The following DPYD variants were observed in gnomAD, a reference collection of about 807,000 sequenced individuals.
DPYD encodes dihydropyrimidine dehydrogenase.
A neutral mutation model predicts 116.2 loss-of-function variants in DPYD; 109 were observed. That is an observed-to-expected ratio of 0.94 (90% CI 0.80 to 1.10). The LOEUF (loss-of-function observed/expected upper bound fraction) is 1.10. Among genes scored for constraint, DPYD ranks in the 50% least tolerant of loss-of-function variants. The probability of loss-of-function intolerance (pLI) is 0.00; values close to 1 mark genes in which losing one functional copy is unlikely to be tolerated. For missense variants in DPYD, 1,302 were observed against 1,254.5 expected (o/e 1.04, Z -0.57); for synonymous variants, 440 against 432.0 (o/e 1.02, Z -0.23).
chr1:97,752,165 A>G (rs947763653), intron 3 of DPYD, among the ~76,000 whole-genome samples: 28 of 152,170 alleles, frequency 1.8e-4, no homozygotes, highest in African/African-American at 6.7e-4. Context: ...ATGTCCATAT[A>G]TGAATTGTCT....
chr1:97,349,945 CA>C (rs71939887), intron 16 of DPYD, among the ~76,000 whole-genome samples: 59 of 134,732 alleles, frequency 4.4e-4, no homozygotes, highest in African/African-American at 1.4e-3. Flanking sequence ...TAAAAGAATC[CA>C]AAAAAAAAAA....
intron 3 of DPYD, chr1:97,774,624 A>C (rs1666305311): frequency 6.4e-6 from 1 of 156,746 alleles, no homozygotes; most frequent in Non-Finnish European, 1.4e-5. Context: ...ACAGCATGCA[A>C]AGGCCATGCC....
At chr1:97,610,979 A>G (rs975385476) in intron 8 of DPYD, among the ~76,000 whole-genome samples, 11 of 149,434 alleles carry the variant, frequency 7.4e-5, no homozygotes, top group African/African-American at 2.7e-4. Flanking sequence ...GTGTGTGTGT[A>G]TATATATATG....
intron 12 of DPYD, among the ~76,000 whole-genome samples, chr1:97,520,859 T>TAA (rs1293601371): frequency 1.3e-5 from 2 of 152,224 alleles, no homozygotes; most frequent in Non-Finnish European, 2.9e-5. Context: ...CCACATTTTC[T>TAA]TTATCTAGTC....
At chr1:97,425,015 A>G (rs1052426008) in intron 14 of DPYD, among the ~76,000 whole-genome samples, 1 of 152,090 alleles carries the variant, frequency 6.6e-6, no homozygotes, top group East Asian at 1.9e-4. Context: ...TTTCATATAA[A>G]TTTCACAGAC....
At chr1:97,881,856 T>G (rs1343162492) in intron 2 of DPYD, among the ~76,000 whole-genome samples, 1 of 151,340 alleles carries the variant, frequency 6.6e-6, no homozygotes, top group African/African-American at 2.4e-5. Flanking sequence ...CTCTGGGGAC[T>G]GTTGTGGGGT....
At chr1:97,329,498 G>A (rs7516576) in intron 16 of DPYD, among the ~76,000 whole-genome samples, 17,474 of 151,838 alleles carry the variant, frequency 0.12, 1,411 homozygotes, top group African/African-American at 0.23. Context: ...TGTAATCTCA[G>A]CAATTTGGGA....
intron 14 of DPYD, among the ~76,000 whole-genome samples, chr1:97,384,168 A>T (rs1039950683): frequency 2.0e-5 from 3 of 151,952 alleles, no homozygotes; most frequent in Admixed American, 6.6e-5. Flanking sequence ...GCCAAGCTTA[A>T]AGTTGCAGAG....
At position 97,134,017 on chromosome 1, in the gene DPYD, ATATATATAT is replaced by A. The variant is rs1653582387; in HGVS notation, c.2623-35394_2623-35386del. ...CTGTTTCAAAAAAAAAAAAAAAAAT[ATATATATAT>A]ATATATATATATATATATATATATA... On this transcript the variant is annotated intron_variant, in intron 20 of 22. Transcript: ENST00000370192. Among the ~76,000 whole-genome samples, 117 of 16,122 alleles carry A rather than the reference ATATATATAT, an allele frequency of 7.3e-3. 10 individuals carry two copies. The highest frequency in any genetic ancestry group is 0.031 in the East Asian group (8 of 254). 10.6% of individuals were successfully genotyped at this position (16,122 alleles called of 152,430 possible).
At chr1:97,166,809 A>G (rs961235357) in intron 20 of DPYD, among the ~76,000 whole-genome samples, 13 of 152,212 alleles carry the variant, frequency 8.5e-5, no homozygotes, top group African/African-American at 3.1e-4. Context: ...TGAGTTCTCC[A>G]GACATAAGCA....
At chr1:97,863,846 T>A (rs1671241983) in intron 2 of DPYD, among the ~76,000 whole-genome samples, 2 of 151,902 alleles carry the variant, frequency 1.3e-5, no homozygotes, top group South Asian at 4.1e-4. Flanking sequence ...ATCTCTAGAG[T>A]CTTAATAAAG....
At chr1:97,464,867 G>T (rs1405918129) in intron 13 of DPYD, among the ~76,000 whole-genome samples, 1 of 152,132 alleles carries the variant, frequency 6.6e-6, no homozygotes, top group Non-Finnish European at 1.5e-5. Context: ...CTGCCTAGTG[G>T]AGCTGTGAGA....
At chr1:97,413,422 C>A (rs2101674367) in intron 14 of DPYD, among the ~76,000 whole-genome samples, 1 of 152,208 alleles carries the variant, frequency 6.6e-6, no homozygotes, top group East Asian at 1.9e-4. Context: ...GAGGAATTCA[C>A]AATATAGTAG....
At chr1:97,286,909 T>C (rs1030864746) in intron 18 of DPYD, among the ~76,000 whole-genome samples, 1 of 152,246 alleles carries the variant, frequency 6.6e-6, no homozygotes, top group Non-Finnish European at 1.5e-5. Context: ...TGAAGCCTTC[T>C]TCTCTCAACT....
chr1:97,091,111 A>T (rs1649869845), intron 21 of DPYD, among the ~76,000 whole-genome samples: 1 of 152,212 alleles, frequency 6.6e-6, no homozygotes, highest in Non-Finnish European at 1.5e-5. Flanking sequence ...TGCATGACTG[A>T]AAAACTTGTT....
At chr1:97,437,616 T>C (rs998146184) in intron 14 of DPYD, among the ~76,000 whole-genome samples, 2 of 151,942 alleles carry the variant, frequency 1.3e-5, no homozygotes, top group African/African-American at 2.4e-5. Context: ...ATGTTTAAAT[T>C]TCTAAAATAA....
At chr1:97,377,218 C>T (rs1671685455) in intron 15 of DPYD, among the ~76,000 whole-genome samples, 2 of 150,600 alleles carry the variant, frequency 1.3e-5, no homozygotes, top group Non-Finnish European at 1.5e-5. Context: ...ATGAAAGGTG[C>T]CAAAAAAGAA....
intron 1 of DPYD, among the ~76,000 whole-genome samples, chr1:97,916,626 G>C (rs1485322495): frequency 6.6e-6 from 1 of 152,094 alleles, no homozygotes; most frequent in Non-Finnish European, 1.5e-5. Flanking sequence ...TTAAGATTAA[G>C]CAGATCCAAT....
intron 21 of DPYD, among the ~76,000 whole-genome samples, chr1:97,098,070 G>A (rs1371288760): frequency 6.6e-6 from 1 of 152,098 alleles, no homozygotes; most frequent in South Asian, 2.1e-4. Context: ...CCAAACCAGA[G>A]AAAGTTTTTC....
Sources: allele counts gnomAD v4.1 joint callset (sites outside exome capture counted in the v4.1 genomes callset), GRCh38; gene constraint gnomAD v4.1.1; transcripts MANE v1.5; gene names NCBI Gene and HGNC (gene_info 2026-07-23, HGNC 2026-07-21).